MACC1: variants seen among roughly 807,000 people sequenced by gnomAD.
MACC1 encodes the protein metastasis-associated in colon cancer protein 1.
In MACC1, 79 loss-of-function variants were observed where a neutral mutation model predicts 70.7. The ratio of observed to expected loss-of-function variants is 1.12; its 90% CI spans 0.93 to 1.35. MACC1 has a LOEUF of 1.35. MACC1 is among the 40% of genes most tolerant of loss of function. MACC1 has a pLI of 0.00. For missense variants in MACC1, 1,106 were observed against 978.1 expected (o/e 1.13, Z -1.74); for synonymous variants, 361 against 347.2 (o/e 1.04, Z -0.44).
chr7:20,140,983 A>C lies in MACC1; in HGVS notation c.2522T>G (p.Leu841Trp), dbSNP rs149296912. The change falls in exon 7 of 7, where the codon TTG becomes TGG. Residue 841 changes from leucine (L) to tryptophan (W), a missense_variant. Transcript: ENST00000400331. ...VLILVNSLEV[L>W]RVTAFSTSEE... is the part of the protein sequence containing the mutation. ...AGAAGTGGAGAATGCAGTTACTCTC[A>C]AAACCTCCAAAGAATTTACTAGTAT... 5 of 1,613,674 alleles carry C rather than the reference A, an allele frequency of 3.1e-6. No homozygotes were observed. The African/African-American group carries it at 5.3e-5, about 17-fold the overall frequency.
intron 1 of MACC1, among the ~76,000 whole-genome samples, chr7:20,207,409 C>G (rs1411479947): frequency 6.6e-6 from 1 of 152,044 alleles, no homozygotes; most frequent in Non-Finnish European, 1.5e-5. Context: ...ACTTCTGTCT[C>G]CCAAAGTGCT....
rs909465343 is a variant in MACC1 at position 20,188,131 on chromosome 7, A to T, written c.-217-17353T>A. Among the ~76,000 whole-genome samples, 5 of 152,160 alleles carry T rather than the reference A, an allele frequency of 3.3e-5. No homozygotes were observed. In the East Asian group the frequency reaches 9.6e-4, roughly 29 times the overall value. On this transcript the variant is annotated intron_variant, in intron 1 of 6. Transcript: ENST00000400331. ...ACAACTCACTCACTATCTCAAGAAGAGCACAGGAAAAACCATCCCCATGAT... is the reference window on the plus strand; with the variant it reads ...ACAACTCACTCACTATCTCAAGAAGTGCACAGGAAAAACCATCCCCATGAT...
chr7:20,153,767 G>C (rs370778937), intron 6 of MACC1, among the ~76,000 whole-genome samples: 5 of 152,166 alleles, frequency 3.3e-5, no homozygotes, highest in African/African-American at 1.2e-4. Context: ...TCTTGTCCCT[G>C]AGCATTAGTT....
chr7:20,136,774 C>T lies in MACC1; in HGVS notation c.*4172G>A, dbSNP rs2128098901. The T allele has an allele frequency of 6.6e-6, 1 of 151,812 alleles. No homozygotes were observed. Among genetic ancestry groups the T allele is most frequent in the Non-Finnish European group, 1.5e-5 (1 of 67,932 alleles). The allele number at this position is 151,812 out of a possible 1,614,324, so 9.4% of individuals were successfully genotyped here. A position where few individuals can be genotyped will look rare whatever the true frequency, so the allele number is the denominator to read the frequency against. ...ATACAGAAGGAGGAGGGACTTACTT[C>T]TCCTCCTTGCGATTATTATTGCGAT... On this transcript the variant is annotated 3_prime_UTR_variant, in exon 7 of 7. Transcript: ENST00000400331.
intron 1 of MACC1, among the ~76,000 whole-genome samples, chr7:20,179,596 G>A (rs1314400227): frequency 5.9e-5 from 9 of 152,168 alleles, no homozygotes; most frequent in Admixed American, 5.9e-4. Flanking sequence ...CCTGATTGGA[G>A]GCTGTTTCTG....
chr7:20,202,987 A>G (rs1339498470), intron 1 of MACC1, among the ~76,000 whole-genome samples: 1 of 152,214 alleles, frequency 6.6e-6, no homozygotes, highest in Non-Finnish European at 1.5e-5. Flanking sequence ...CTTAAAAGCA[A>G]TTGGTAAGAT....
chr7:20,140,770 A>T lies in MACC1; in HGVS notation c.*176T>A. ...ACTGGTTTTGAGCATGAAGAAAATT[A>T]ATATAATGCTTTTCTGAGATTCTTT... On this transcript the variant is annotated 3_prime_UTR_variant, in exon 7 of 7. Coordinates refer to ENST00000400331, the MANE Select transcript of MACC1 (RefSeq NM_182762.4). 2.1e-6 allele frequency: 1 copy of T among 476,506 alleles called. No homozygotes were observed. Among genetic ancestry groups the T allele is most frequent in the Non-Finnish European group, 3.5e-6 (1 of 282,096 alleles). 29.5% of individuals were successfully genotyped at this position (476,506 alleles called of 1,614,324 possible).
At chr7:20,184,841 A>C (rs752360128) in intron 1 of MACC1, 1 of 152,188 alleles carries the variant, frequency 6.6e-6, no homozygotes, top group Admixed American at 6.5e-5. Context: ...ATTCAAAAGG[A>C]AACTGGAAGA....
At chr7:20,144,286 A>G (rs988564626) in intron 6 of MACC1, among the ~76,000 whole-genome samples, 3 of 152,240 alleles carry the variant, frequency 2.0e-5, no homozygotes, top group Non-Finnish European at 2.9e-5. Context: ...CACCTGCACA[A>G]ACACTGGCAC....
rs1562606668 is a variant in MACC1, at chr7:20,216,353, C to T, written c.-218+946G>A. 2.6e-5 allele frequency among the ~76,000 whole-genome samples: 4 copies of T among 152,006 alleles called. No individual in the cohort carries two copies. The South Asian group carries it at 6.2e-4, about 24-fold the overall frequency. ...TATCTTTATTAATTGTGGTAAAAAA[C>T]TTAACATACAATTTACCATCCTAAC... On this transcript the variant is annotated intron_variant, in intron 1 of 6. Coordinates refer to ENST00000400331, the MANE Select transcript of MACC1 (RefSeq NM_182762.4).
chr7:20,174,326 G>C (rs895532751), intron 1 of MACC1, among the ~76,000 whole-genome samples: 1 of 152,176 alleles, frequency 6.6e-6, no homozygotes, highest in African/African-American at 2.4e-5. Context: ...AGGAATGTGA[G>C]AAGTTCATTT....
chr7:20,205,329 A>C (rs746179139), intron 1 of MACC1, among the ~76,000 whole-genome samples: 18 of 152,198 alleles, frequency 1.2e-4, no homozygotes, highest in Non-Finnish European at 1.3e-4. Context: ...CATATTAATA[A>C]ATCACAGTAT....
chr7:20,182,403 T>G (rs1056956800), intron 1 of MACC1, among the ~76,000 whole-genome samples: 2 of 152,218 alleles, frequency 1.3e-5, no homozygotes, highest in Non-Finnish European at 2.9e-5. Flanking sequence ...GACTCCATTA[T>G]GGCTGTTAAC....
chr7:20,200,084 C>A (rs1309975738), intron 1 of MACC1, among the ~76,000 whole-genome samples: 1 of 150,592 alleles, frequency 6.6e-6, no homozygotes, highest in East Asian at 1.9e-4. Context: ...TATGTATTTC[C>A]TTTTACAGAT....
At position 20,216,861 on chromosome 7, in the gene MACC1, AT is replaced by A. The variant is rs1162624334; in HGVS notation, c.-218+437del. ...GAGGTGAAACATCTTGTCAATGGTC[AT>A]AAATCTAATAAGCAGTGGGGCTGCT... On this transcript the variant is annotated intron_variant, in intron 1 of 6. Coordinates refer to ENST00000400331, the MANE Select transcript of MACC1 (RefSeq NM_182762.4). Among the ~76,000 whole-genome samples, 15 of 152,368 alleles carry A rather than the reference AT, an allele frequency of 9.8e-5. No individual in the cohort carries two copies. In the East Asian group the frequency reaches 2.9e-3, roughly 29 times the overall value.
intron 1 of MACC1, among the ~76,000 whole-genome samples, chr7:20,212,272 T>C (rs1265836334): frequency 6.6e-6 from 1 of 152,230 alleles, no homozygotes; most frequent in Non-Finnish European, 1.5e-5. Context: ...AAATTAGGTG[T>C]CTTCCCAGTG....
chr7:20,211,855 G>A (rs1436793595), intron 1 of MACC1, among the ~76,000 whole-genome samples: 1 of 152,114 alleles, frequency 6.6e-6, no homozygotes, highest in Non-Finnish European at 1.5e-5. Flanking sequence ...ATGCCATACA[G>A]CCATGAAAAT....
At chr7:20,212,867 G>T in intron 1 of MACC1, among the ~76,000 whole-genome samples, 1 of 152,018 alleles carries the variant, frequency 6.6e-6, no homozygotes, top group East Asian at 1.9e-4. Context: ...TCTGGCCCAG[G>T]GAGTTTTCAA....
At chr7:20,167,520 G>C (rs1057174674) in intron 2 of MACC1, among the ~76,000 whole-genome samples, 3 of 151,510 alleles carry the variant, frequency 2.0e-5, no homozygotes, top group African/African-American at 7.3e-5. Context: ...TTTAAAGGTA[G>C]GGAAATAAAG....
Sources: gnomAD v4.1 joint callset for allele counts (sites outside exome capture counted in the v4.1 genomes callset) on GRCh38, gnomAD v4.1.1 for gene constraint, MANE v1.5 for transcripts, NCBI Gene and HGNC (gene_info 2026-07-23, HGNC 2026-07-21) for gene names.